Variants in DNAH5 observed in about 807,000 individuals in gnomAD.
The protein encoded by DNAH5 is dynein axonemal heavy chain 5.
Under a neutral mutation model 518.2 loss-of-function variants are expected in DNAH5, and 372 were observed. The observed-to-expected ratio is 0.72, with a 90% CI of 0.66 to 0.78. The LOEUF (loss-of-function observed/expected upper bound fraction) is 0.78. DNAH5 is among the 30% of genes least tolerant of loss of function. The pLI is 0.00. For synonymous variants in DNAH5, 2,039 were observed against 2,025.9 expected (o/e 1.01, Z -0.17); for missense variants, 5,523 against 5,687.0 (o/e 0.97, Z 0.93).
intron 61 of DNAH5, among the ~76,000 whole-genome samples, chr5:13,755,969 A>G (rs1280889747): frequency 6.6e-6 from 1 of 152,214 alleles, no homozygotes; most frequent in African/African-American, 2.4e-5. Flanking sequence ...TGCAAGAGAA[A>G]GAAAGCCGTA....
intron 47 of DNAH5, among the ~76,000 whole-genome samples, chr5:13,805,511 G>A (rs1404314014): frequency 6.6e-6 from 1 of 151,854 alleles, no homozygotes; most frequent in Non-Finnish European, 1.5e-5. Context: ...AAAATAAAAA[G>A]ATCTGAGTCT....
At chr5:13,882,363 A>T (rs1381647755) in intron 21 of DNAH5, among the ~76,000 whole-genome samples, 1 of 152,076 alleles carries the variant, frequency 6.6e-6, no homozygotes, top group African/African-American at 2.4e-5. Flanking sequence ...TTTAAAAAAA[A>T]AAAAAAACTA....
At chr5:13,902,349 C>T (rs776125717) in intron 12 of DNAH5, among the ~76,000 whole-genome samples, 2 of 152,274 alleles carry the variant, frequency 1.3e-5, no homozygotes, top group East Asian at 1.9e-4. Flanking sequence ...GTTGGCGCCA[C>T]GTCAGGTTCC....
intron 12 of DNAH5, among the ~76,000 whole-genome samples, chr5:13,910,507 A>G (rs141554936): frequency 2.2e-4 from 33 of 152,336 alleles, no homozygotes; most frequent in African/African-American, 3.8e-4. Context: ...TTTAATGCAA[A>G]TCAAAAACCC....
chr5:13,911,309 G>A, intron 12 of DNAH5, 77 bp downstream of exon 12: 1 of 1,097,508 alleles, frequency 9.1e-7, no homozygotes, highest in Non-Finnish European at 1.4e-6. Context: ...TTCTGATTGG[G>A]TAATGATTAA....
intron 21 of DNAH5, 29 bp from the exon 22 acceptor site, chr5:13,876,846 TAC>T: frequency 6.2e-7 from 1 of 1,607,366 alleles, no homozygotes; most frequent in Non-Finnish European, 8.5e-7. Context: ...GAGAAAACTT[TAC>T]ACTACTCACA....
intron 75 of DNAH5, among the ~76,000 whole-genome samples, chr5:13,713,440 T>TATATATATATATATATATATACATCGAC (rs1743855525): frequency 8.6e-6 from 1 of 115,734 alleles, no homozygotes; most frequent in Non-Finnish European, 1.7e-5. Flanking sequence ...TCGACATATA[T>TATATATATATATATATATATACATCGAC]ATATATATAT....
intron 76 of DNAH5, 74 bp downstream of exon 76, chr5:13,708,049 T>C: frequency 1.3e-6 from 2 of 1,493,472 alleles, no homozygotes; most frequent in East Asian, 2.3e-5. Context: ...TATCCTTTCA[T>C]GCTTTCCACT....
At chr5:13,725,718 G>A (rs778069041) in intron 70 of DNAH5, among the ~76,000 whole-genome samples, 4 of 152,102 alleles carry the variant, frequency 2.6e-5, no homozygotes, top group South Asian at 2.1e-4. Context: ...GCAGTGGCAC[G>A]ATCTCAGTTC....
intron 65 of DNAH5, among the ~76,000 whole-genome samples, chr5:13,748,238 A>C (rs1362523605): frequency 1.3e-5 from 2 of 152,068 alleles, no homozygotes; most frequent in East Asian, 3.9e-4. Flanking sequence ...ATTGGTCTGT[A>C]TCTCTGTTTT....
chr5:13,913,933 G>A lies in DNAH5; in HGVS notation c.1346C>T (p.Thr449Ile). ...KQEYQLCFHK[T>I]KQKLKQNPNA... ...TGGATTTTGTTTAAGCTTTTGTTTT[G>A]TCTTGTGAAAGCAGAGCTGGTATTC... is the stretch of plus-strand genomic sequence containing the variant. Residue 449 changes from threonine (T) to isoleucine (I), a missense_variant, in exon 11 of 79, where the codon ACA (threonine) becomes ATA (isoleucine). Coordinates refer to ENST00000265104, the MANE Select transcript of DNAH5 (RefSeq NM_001369.3). 6.2e-7 allele frequency: 1 copy of A among 1,613,148 alleles called. No individual in the cohort carries two copies. Among genetic ancestry groups the A allele is most frequent in the Non-Finnish European group, 8.5e-7 (1 of 1,179,298 alleles).
chr5:13,697,574 G>A (rs1042659830), intron 78 of DNAH5, among the ~76,000 whole-genome samples: 2 of 152,124 alleles, frequency 1.3e-5, no homozygotes, highest in African/African-American at 4.8e-5. Flanking sequence ...ATGAGACATG[G>A]TGTGAAATCC....
intron 1 of DNAH5, among the ~76,000 whole-genome samples, chr5:13,937,958 T>C (rs1487561828): frequency 3.3e-5 from 5 of 152,166 alleles, no homozygotes; most frequent in African/African-American, 7.2e-5. Context: ...CCATCCAAGG[T>C]TTCCGTTTCT....
chr5:13,769,870 G>A (rs754102329), intron 56 of DNAH5, among the ~76,000 whole-genome samples: 15 of 152,218 alleles, frequency 9.9e-5, no homozygotes, highest in Admixed American at 1.3e-4. Flanking sequence ...AGGAACGACA[G>A]TAAGGCTAGA....
Position 13,820,686 on chromosome 5 carries a change from A to C in DNAH5, c.6688-187T>G, listed in dbSNP as rs954859764. Among the ~76,000 whole-genome samples, 4 of 152,186 alleles carry C rather than the reference A, an allele frequency of 2.6e-5. No homozygotes were observed. The East Asian group carries it at 7.8e-4, about 30-fold the overall frequency. ...AAAAAAATACAAAAATTAGCCAGGC[A>C]TAGTGGTGGGCACCTGTAGTCCCAG... On this transcript the variant is annotated intron_variant, in intron 40 of 78. Coordinates refer to ENST00000265104, the MANE Select transcript of DNAH5 (RefSeq NM_001369.3).
chr5:13,692,090 G>T lies in DNAH5; in HGVS notation c.13769C>A (p.Pro4590Gln), dbSNP rs779884218. 1.2e-6 allele frequency: 2 copies of T among 1,614,022 alleles called. No individual in the cohort carries two copies. Among genetic ancestry groups the T allele is most frequent in the South Asian group, 2.2e-5 (2 of 91,084 alleles). Residue 4590 changes from proline (P) to glutamine (Q), a missense_variant, in exon 79 of 79, where the codon CCA (proline) becomes CAA (glutamine). Around this residue, in one of 3 missense-constraint regions of DNAH5, gnomAD observed 387 missense variants for 430.0 expected, o/e 0.90. Transcript: ENST00000265104. Reference protein sequence around the residue: ...RFYSCPIYKKPVRTDLNYIAA... With the variant: ...RFYSCPIYKKQVRTDLNYIAA... ...AATGTAGTTCAAGTCCGTTCGAACT[G>T]GCTTCTTATAGATGGGACAGGAGTA...
In DNAH5 at chr5:13,691,965, T is replaced by A; in HGVS notation, c.*19A>T. On this transcript the variant is annotated 3_prime_UTR_variant, in exon 79 of 79. Coordinates refer to ENST00000265104, the MANE Select transcript of DNAH5 (RefSeq NM_001369.3). ...ATCTTGCATTTTCCAAAGCATTGGGTGGGGACACTCCCCACATGTTACTTG... is the reference window on the plus strand; with the variant it reads ...ATCTTGCATTTTCCAAAGCATTGGGAGGGGACACTCCCCACATGTTACTTG... The A allele has an allele frequency of 6.2e-7, 1 of 1,613,856 alleles. No homozygotes were observed.
At chr5:13,825,477 C>G (rs149068213) in intron 38 of DNAH5, among the ~76,000 whole-genome samples, 1 of 152,000 alleles carries the variant, frequency 6.6e-6, no homozygotes, top group African/African-American at 2.4e-5. Context: ...CATTGACAGA[C>G]GAATGGATAA....
intron 1 of DNAH5, among the ~76,000 whole-genome samples, chr5:13,990,507 C>A (rs888694485): frequency 6.6e-6 from 1 of 151,374 alleles, no homozygotes; most frequent in East Asian, 2.0e-4. Flanking sequence ...AAGCCGAGAT[C>A]GCACCACTGC....
Sources: allele counts gnomAD v4.1 joint callset (sites outside exome capture counted in the v4.1 genomes callset), GRCh38; gene constraint gnomAD v4.1.1; regional missense constraint gnomAD v4.1.1; transcripts MANE v1.5; gene names NCBI Gene and HGNC (gene_info 2026-07-23, HGNC 2026-07-21).